Variants in WWC2 observed in about 807,000 individuals in gnomAD.
The protein encoded by WWC2 is WW and C2 domain containing 2.
In WWC2, 101 loss-of-function variants were observed where a neutral mutation model predicts 138.5. That is an observed-to-expected ratio of 0.73 (90% CI 0.62 to 0.86). The LOEUF (loss-of-function observed/expected upper bound fraction) is 0.86. Ranked by LOEUF, WWC2 falls within the 40% of genes least tolerant of loss-of-function variation. The pLI, the probability that WWC2 is intolerant of heterozygous loss-of-function variation, is 0.00. For missense variants in WWC2, 1,420 were observed against 1,419.4 expected (o/e 1.00, Z -0.01); for synonymous variants, 558 against 538.4 (o/e 1.04, Z -0.50).
rs986242318 is a variant in WWC2 at position 183,182,893 on chromosome 4, T to C, written c.132-10706T>C. 1.3e-5 allele frequency among the ~76,000 whole-genome samples: 2 copies of C among 152,246 alleles called. 1 individual carries two copies. The highest frequency in any genetic ancestry group is 1.3e-4 in the Admixed American group (2 of 15,290). ...TATAAATAGAAAATTTTTGAAAGAA[T>C]AAATTACAACCCTTTCATGATGTAG... On this transcript the variant is annotated intron_variant, in intron 1 of 22. Coordinates refer to ENST00000403733, the MANE Select transcript of WWC2 (RefSeq NM_024949.6).
intron 1 of WWC2, among the ~76,000 whole-genome samples, chr4:183,117,790 C>CTT (rs758829778): frequency 2.2e-5 from 3 of 135,708 alleles, no homozygotes; most frequent in Non-Finnish European, 3.2e-5. Context: ...GATTGGGGAT[C>CTT]TTTTTTTTTT....
chr4:183,243,489 T>C (rs915894015), intron 5 of WWC2, among the ~76,000 whole-genome samples: 1 of 152,198 alleles, frequency 6.6e-6, no homozygotes, highest in Non-Finnish European at 1.5e-5. Context: ...AGAAATTCCA[T>C]TGATAAATCT....
In WWC2 at chr4:183,243,751, G is replaced by A. The variant is rs945852220; in HGVS notation, c.603-1665G>A. Among the ~76,000 whole-genome samples the A allele has an allele frequency of 7.4e-3, 936 of 126,054 alleles. 10 individuals carry two copies. The highest frequency in any genetic ancestry group is 0.028 in the African/African-American group (899 of 32,390). 82.7% of individuals were successfully genotyped at this position (126,054 alleles called of 152,430 possible). On this transcript the variant is annotated intron_variant, in intron 5 of 22. Transcript: ENST00000403733. The stretch of plus-strand genomic sequence containing the variant: ...CATTCTAAACACTGTGTGTGTGTGT[G>A]TGTGTGTGTGTGTGTGTGTGTGTGT...
chr4:183,279,998 G>A (rs1055198550), intron 16 of WWC2, among the ~76,000 whole-genome samples: 9 of 151,926 alleles, frequency 5.9e-5, no homozygotes, highest in African/African-American at 2.2e-4. Context: ...GCCTTATTTA[G>A]CTATTGTTTT....
chr4:183,264,948 T>G, intron 11 of WWC2, 30 bp from the exon 12 acceptor site: 5 of 1,593,744 alleles, frequency 3.1e-6, no homozygotes, highest in Non-Finnish European at 4.3e-6. Flanking sequence ...TAAGACATTC[T>G]GATTAGTGCT....
In WWC2 at chr4:183,210,272, C is replaced by T. The variant is rs146487844; in HGVS notation, c.522+1247C>T. ...ATAAAACAGTGGTTACCGTGGACCT[C>T]GGGGGTGGGGCGGAGGTGAGGGGAG... On this transcript the variant is annotated intron_variant, in intron 4 of 22. Transcript: ENST00000403733. Among the ~76,000 whole-genome samples the T allele has an allele frequency of 1.4e-4, 22 of 151,784 alleles. No individual in the cohort carries two copies. In the East Asian group the frequency reaches 3.5e-3, roughly 24 times the overall value.
At chr4:183,255,457 G>A (rs1025407055) in intron 9 of WWC2, among the ~76,000 whole-genome samples, 7 of 152,200 alleles carry the variant, frequency 4.6e-5, no homozygotes, top group Admixed American at 3.3e-4. Flanking sequence ...GTCATCAGTA[G>A]CTATGATGAA....
chr4:183,218,003 A>G (rs1360022006), intron 4 of WWC2, among the ~76,000 whole-genome samples: 1 of 152,234 alleles, frequency 6.6e-6, no homozygotes, highest in Non-Finnish European at 1.5e-5. Context: ...AAAAGTAGCC[A>G]TAGAAAAAGT....
At position 183,319,852 on chromosome 4, in the gene WWC2, C is replaced by A. The variant is rs768187039; in HGVS notation, c.*4123C>A. The A allele has an allele frequency of 1.2e-6, 2 of 1,613,852 alleles. No homozygotes were observed. The highest frequency in any genetic ancestry group is 1.7e-6 in the Non-Finnish European group (2 of 1,179,894). On this transcript the variant is annotated 3_prime_UTR_variant, in exon 23 of 23. Coordinates refer to ENST00000403733, the MANE Select transcript of WWC2 (RefSeq NM_024949.6). ...ACTCCCGAGGCCCAGGACAGAATTC[C>A]TCCCAGGATCAGCAGTCGCCTCTTG...
At chr4:183,122,069 G>A (rs1405940566) in intron 1 of WWC2, among the ~76,000 whole-genome samples, 5 of 152,158 alleles carry the variant, frequency 3.3e-5, no homozygotes, top group Non-Finnish European at 2.9e-5. Context: ...ACAGGCGTGA[G>A]CCACCACGCC....
At chr4:183,145,047 T>TA (rs1171624370) in intron 1 of WWC2, among the ~76,000 whole-genome samples, 1 of 152,216 alleles carries the variant, frequency 6.6e-6, no homozygotes, top group East Asian at 1.9e-4. Flanking sequence ...AGTGGTTTGA[T>TA]ACCCTGTAGT....
Position 183,128,043 on chromosome 4 carries a change from G to GAAA in WWC2, c.131+28434_131+28436dup, listed in dbSNP as rs528448875. Among the ~76,000 whole-genome samples, 83 of 120,756 alleles carry GAAA rather than the reference G, an allele frequency of 6.9e-4. 1 individual carries two copies. The East Asian group carries it at 0.011, about 16-fold the overall frequency. 79.2% of individuals were successfully genotyped at this position (120,756 alleles called of 152,430 possible). On this transcript the variant is annotated intron_variant, in intron 1 of 22. Coordinates refer to ENST00000403733, the MANE Select transcript of WWC2 (RefSeq NM_024949.6). ...GGCAACATAGTGAGACCCCATCTCT[G>GAAA]AAAAAAAAAAAAAAAGGCCAGGTGC...
rs573875393 is a variant in WWC2, at chr4:183,319,450, C to G, written c.*3721C>G. 261 of 1,185,758 alleles carry G rather than the reference C, an allele frequency of 2.2e-4. No homozygotes were observed. The highest frequency in any genetic ancestry group is 2.7e-4 in the Non-Finnish European group (229 of 839,522). The allele number at this position is 1,185,758 out of a possible 1,614,324, so 73.5% of individuals were successfully genotyped here. A position where few individuals can be genotyped will look rare whatever the true frequency, so the allele number is the denominator to read the frequency against. ...AGTTTAATAGCCACAGGAAAAGATG[C>G]ATTTTCAAAAATCAAAAGCACAGTG... On this transcript the variant is annotated 3_prime_UTR_variant, in exon 23 of 23. Coordinates refer to ENST00000403733, the MANE Select transcript of WWC2 (RefSeq NM_024949.6).
chr4:183,261,653 G>A (rs780354247), intron 11 of WWC2, 121 bp downstream of exon 11: 74 of 1,217,916 alleles, frequency 6.1e-5, no homozygotes, highest in Non-Finnish European at 7.7e-5. Context: ...TTGAGTAATC[G>A]TTTTGGCTTC....
At chr4:183,193,824 A>G (rs1735058307) in intron 2 of WWC2, 116 bp downstream of exon 2, 2 of 865,284 alleles carry the variant, frequency 2.3e-6, no homozygotes, top group African/African-American at 3.3e-5. Context: ...CCATTTTCTT[A>G]GTGACTAATA....
intron 1 of WWC2, among the ~76,000 whole-genome samples, chr4:183,156,067 C>G (rs1385848406): frequency 6.6e-6 from 1 of 151,938 alleles, no homozygotes; most frequent in Non-Finnish European, 1.5e-5. Context: ...TGCTCTGCCG[C>G]CCAGATTGGA....
At chr4:183,243,871 G>A (rs1736691704) in intron 5 of WWC2, among the ~76,000 whole-genome samples, 1 of 150,390 alleles carries the variant, frequency 6.6e-6, no homozygotes. Flanking sequence ...ATTTTCTTAG[G>A]TTCTTGAAGT....
intron 4 of WWC2, among the ~76,000 whole-genome samples, chr4:183,216,967 C>T (rs985165116): frequency 6.6e-6 from 1 of 152,110 alleles, no homozygotes; most frequent in Non-Finnish European, 1.5e-5. Context: ...TTTGTGTTTC[C>T]ATCAGCCAGC....
At chr4:183,137,425 A>T (rs1579975902) in intron 1 of WWC2, among the ~76,000 whole-genome samples, 1 of 152,130 alleles carries the variant, frequency 6.6e-6, no homozygotes, top group East Asian at 1.9e-4. Flanking sequence ...TCAAACAAAC[A>T]CACACATTAG....
Sources: gnomAD v4.1 joint callset for allele counts (sites outside exome capture counted in the v4.1 genomes callset) on GRCh38, gnomAD v4.1.1 for gene constraint, MANE v1.5 for transcripts, NCBI Gene and HGNC (gene_info 2026-07-23, HGNC 2026-07-21) for gene names.